FAM124B: variants seen among roughly 807,000 people sequenced by gnomAD.
The protein encoded by FAM124B is protein FAM124B.
FAM124B carries 18 observed loss-of-function variants against 19.7 expected under a neutral mutation model. The observed-to-expected ratio is 0.92, with a 90% CI of 0.63 to 1.36. FAM124B has a LOEUF of 1.36. Ranked by LOEUF, FAM124B falls within the 40% of genes most tolerant of loss-of-function variation. FAM124B has a pLI of 0.00. For missense variants in FAM124B, 540 were observed against 553.3 expected (o/e 0.98, Z 0.24); for synonymous variants, 223 against 225.2 (o/e 0.99, Z 0.09).
chr2:224,401,541 G>A lies in FAM124B; in HGVS notation c.228C>T (p.Ser76=), dbSNP rs1252432687. 2 of 1,614,022 alleles carry A rather than the reference G, an allele frequency of 1.2e-6. No individual in the cohort carries two copies. Among genetic ancestry groups the A allele is most frequent in the African/African-American group, 2.7e-5 (2 of 74,924 alleles). The change falls in exon 1 of 2, where the codon AGC becomes AGT. Residue 76 remains serine (S), a synonymous_variant. Transcript: ENST00000409685. ...CGCGAAATAGCCTATCCTCTCCCGG[G>A]CTTTCGTGCAGGAAGAGCAACACGG... ...GMSVLLFLHE[S]PGEDRLFRVL...
chr2:224,386,247 T>A (rs1352469465), intron 1 of FAM124B, among the ~76,000 whole-genome samples: 3 of 152,186 alleles, frequency 2.0e-5, no homozygotes, highest in African/African-American at 7.2e-5. Context: ...TTCCCTTTCC[T>A]ATGCCAGGGT....
intron 1 of FAM124B, among the ~76,000 whole-genome samples, chr2:224,398,030 T>A (rs1000568038): frequency 5.9e-5 from 9 of 152,198 alleles, no homozygotes; most frequent in African/African-American, 2.2e-4. Context: ...CCAAGCCACG[T>A]GGAACTGTGA....
Position 224,391,126 on chromosome 2 carries a change from A to C in FAM124B, c.732+9911T>G, listed in dbSNP as rs1689880237. ...GGGAGGCCAAAGTGGGTGGATCACG[A>C]GGTCAGGAGTTTGAGACGAGCCTGG... On this transcript the variant is annotated intron_variant, in intron 1 of 1. Coordinates refer to ENST00000409685, the MANE Select transcript of FAM124B (RefSeq NM_001122779.2). Among the ~76,000 whole-genome samples the C allele has an allele frequency of 2.0e-5, 3 of 150,910 alleles. No homozygotes were observed. The South Asian group carries it at 6.2e-4, about 31-fold the overall frequency.
chr2:224,400,647 A>G (rs1690052200), intron 1 of FAM124B: 1 of 543,590 alleles, frequency 1.8e-6, no homozygotes, highest in South Asian at 2.8e-5. Context: ...GTTGATGGGC[A>G]TTTAAACGGC....
rs1338433490 is a variant in FAM124B at position 224,401,525 on chromosome 2, G to A, written c.244C>T (p.Leu82=). 6.2e-7 allele frequency: 1 copy of A among 1,614,102 alleles called. No homozygotes were observed. The highest frequency in any genetic ancestry group is 1.1e-5 in the South Asian group (1 of 91,080). Residue 82 remains leucine, a synonymous_variant, in exon 1 of 2, where the codon CTA becomes TTA. Coordinates refer to ENST00000409685, the MANE Select transcript of FAM124B (RefSeq NM_001122779.2). ...TGGAGAGAGTCCAGGACGCGAAATAGCCTATCCTCTCCCGGGCTTTCGTGC... is the reference window on the plus strand; with the variant it reads ...TGGAGAGAGTCCAGGACGCGAAATAACCTATCCTCTCCCGGGCTTTCGTGC... The part of the protein sequence containing the change: ...FLHESPGEDR[L]FRVLDSLQHS...
At chr2:224,390,519 G>C (rs1292889467) in intron 1 of FAM124B, among the ~76,000 whole-genome samples, 1 of 151,966 alleles carries the variant, frequency 6.6e-6, no homozygotes, top group Non-Finnish European at 1.5e-5. Context: ...TAACAGAAAA[G>C]AGACTGAAAA....
intron 1 of FAM124B, among the ~76,000 whole-genome samples, chr2:224,392,494 C>A (rs148384470): frequency 2.1e-4 from 32 of 152,230 alleles, no homozygotes; most frequent in African/African-American, 7.7e-4. Flanking sequence ...GTGGCTCATG[C>A]CTGTAATCCC....
chr2:224,399,859 A>C (rs1418054226), intron 1 of FAM124B: 2 of 152,218 alleles, frequency 1.3e-5, no homozygotes, highest in Non-Finnish European at 2.9e-5. Context: ...GTACTTTATA[A>C]GTGTCAGGTC....
At chr2:224,397,024 A>ATTTTC (rs548378394) in intron 1 of FAM124B, among the ~76,000 whole-genome samples, 4 of 151,392 alleles carry the variant, frequency 2.6e-5, no homozygotes, top group Non-Finnish European at 5.9e-5. Context: ...TTTAGGCTGG[A>ATTTTC]TTTTCTTTTC....
intron 1 of FAM124B, among the ~76,000 whole-genome samples, chr2:224,384,371 T>C (rs1275757307): frequency 1.3e-5 from 2 of 152,206 alleles, no homozygotes; most frequent in Non-Finnish European, 2.9e-5. Context: ...CCAAAGACTA[T>C]CACTTCAACC....
At chr2:224,386,879 A>T (rs887941415) in intron 1 of FAM124B, among the ~76,000 whole-genome samples, 2 of 152,200 alleles carry the variant, frequency 1.3e-5, no homozygotes, top group Non-Finnish European at 2.9e-5. Flanking sequence ...GCCCCAAATT[A>T]TTTTACATTA....
At chr2:224,394,939 T>C (rs1213611327) in intron 1 of FAM124B, among the ~76,000 whole-genome samples, 1 of 152,186 alleles carries the variant, frequency 6.6e-6, no homozygotes, top group Non-Finnish European at 1.5e-5. Flanking sequence ...GGCAGTGTGA[T>C]ACCACACAGA....
intron 1 of FAM124B, among the ~76,000 whole-genome samples, chr2:224,396,569 G>A (rs2106087607): frequency 6.6e-6 from 1 of 152,206 alleles, no homozygotes; most frequent in East Asian, 1.9e-4. Context: ...TCAGCCATTT[G>A]GGACCACTCT....
intron 1 of FAM124B, among the ~76,000 whole-genome samples, chr2:224,383,720 G>A (rs543071046): frequency 4.1e-4 from 63 of 152,210 alleles, no homozygotes; most frequent in African/African-American, 1.4e-3. Flanking sequence ...AATGTCAGCT[G>A]GGGTTTCCCT....
chr2:224,390,760 G>A (rs1169053476), intron 1 of FAM124B, among the ~76,000 whole-genome samples: 1 of 150,902 alleles, frequency 6.6e-6, no homozygotes, highest in Non-Finnish European at 1.5e-5. Context: ...GAGTGCAGTG[G>A]CGCGATCTCG....
chr2:224,396,724 C>A (rs189282547), intron 1 of FAM124B, among the ~76,000 whole-genome samples: 1 of 152,158 alleles, frequency 6.6e-6, no homozygotes, highest in Admixed American at 6.5e-5. Flanking sequence ...CTTTCCTGCA[C>A]GTAATAATTG....
At chr2:224,390,700 T>G (rs6718644) in intron 1 of FAM124B, among the ~76,000 whole-genome samples, 9,111 of 126,056 alleles carry the variant, frequency 0.072, 658 homozygotes, top group African/African-American at 0.23. Context: ...AAACTTTTTT[T>G]TTTGTTTGTT....
At chr2:224,392,004 A>G (rs190305444) in intron 1 of FAM124B, among the ~76,000 whole-genome samples, 1 of 152,380 alleles carries the variant, frequency 6.6e-6, no homozygotes, top group Non-Finnish European at 1.5e-5. Flanking sequence ...GAGAGTCAGT[A>G]TAGTCTCAGT....
intron 1 of FAM124B, among the ~76,000 whole-genome samples, chr2:224,397,156 C>T (rs188363626): frequency 5.5e-4 from 83 of 152,264 alleles, no homozygotes; most frequent in Non-Finnish European, 4.0e-4. Flanking sequence ...GTGGGAGGAA[C>T]CCAGTGGGAG....
Sources: allele counts gnomAD v4.1 joint callset (sites outside exome capture counted in the v4.1 genomes callset), GRCh38; gene constraint gnomAD v4.1.1; transcripts MANE v1.5; gene names NCBI Gene and HGNC (gene_info 2026-07-23, HGNC 2026-07-21).